ZNF12: variants seen among roughly 807,000 people sequenced by gnomAD.
ZNF12 encodes gonadotropin inducible transcription repressor 3.
ZNF12 carries 34 observed loss-of-function variants against 66.6 expected under a neutral mutation model. That is an observed-to-expected ratio of 0.51 (90% confidence interval 0.39 to 0.68). The LOEUF (loss-of-function observed/expected upper bound fraction) is 0.68, where lower values mean the gene tolerates loss of function less well. Among genes scored for constraint, ZNF12 ranks in the 30% least tolerant of loss-of-function variants. The pLI is 0.00. For synonymous variants in ZNF12, 320 were observed against 278.9 expected (o/e 1.15, Z -1.47); for missense variants, 697 against 826.9 (o/e 0.84, Z 1.93).
At chr7:6,703,938 G>C (rs540986471) in intron 2 of ZNF12, among the ~76,000 whole-genome samples, 2 of 152,202 alleles carry the variant, frequency 1.3e-5, no homozygotes, top group Non-Finnish European at 2.9e-5. Context: ...GTAGGGACAG[G>C]ACCAAGACCA....
In ZNF12 at chr7:6,692,882, CACAA is replaced by C. The variant is rs767685653; in HGVS notation, c.239-183_239-180del. On this transcript the variant is annotated intron_variant, in intron 4 of 4. Coordinates refer to ENST00000405858, the MANE Select transcript of ZNF12 (RefSeq NM_016265.4). The surrounding 1 kb of genome is among the most constrained non-coding windows in gnomAD (Gnocchi z 5.1). ...ATGCTTTTGCTTAAAATTACACACA[CACAA>C]ACACACACACACACACACATCCCCC... Among the ~76,000 whole-genome samples the C allele has an allele frequency of 5.6e-4, 83 of 149,458 alleles. No individual in the cohort carries two copies. Among genetic ancestry groups the C allele is most frequent in the South Asian group, 1.3e-3 (6 of 4,660 alleles).
In ZNF12 at chr7:6,690,742, A is replaced by T; in HGVS notation, c.*106T>A. 1.7e-6 allele frequency: 2 copies of T among 1,194,386 alleles called. No homozygotes were observed. The highest frequency in any genetic ancestry group is 2.3e-6 in the Non-Finnish European group (2 of 873,176). 74.0% of individuals were successfully genotyped at this position (1,194,386 alleles called of 1,614,324 possible). Reference sequence around the variant, plus strand: ...GAGTCCAACACACAAGGGGATGTCCACACTAACCTGTGTGAACTCTCTGAT... The same window carrying T: ...GAGTCCAACACACAAGGGGATGTCCTCACTAACCTGTGTGAACTCTCTGAT... On this transcript the variant is annotated 3_prime_UTR_variant, in exon 5 of 5. Coordinates refer to ENST00000405858, the MANE Select transcript of ZNF12 (RefSeq NM_016265.4).
chr7:6,697,311 G>A lies in ZNF12; in HGVS notation c.238+28C>T, dbSNP rs537811547. 129 of 1,552,708 alleles carry A rather than the reference G, an allele frequency of 8.3e-5. No individual in the cohort carries two copies. The highest frequency in any genetic ancestry group is 1.1e-4 in the Non-Finnish European group (125 of 1,136,936). On this transcript the variant is annotated intron_variant, in intron 4 of 4. Transcript: ENST00000405858. The surrounding 1 kb of genome is among the most constrained non-coding windows in gnomAD (Gnocchi z 6.1). ...CTGGGAAAAACACTCCCAAGTTACC[G>A]ATCTCCTCACTGCCTCCACTAACAC...
At chr7:6,694,851 C>A (rs548268769) in intron 4 of ZNF12, among the ~76,000 whole-genome samples, 31 of 152,268 alleles carry the variant, frequency 2.0e-4, no homozygotes, top group Non-Finnish European at 3.8e-4. Context: ...CATTTTAATA[C>A]AAAGTGACTC....
intron 2 of ZNF12, among the ~76,000 whole-genome samples, chr7:6,701,693 T>C (rs1260385123): frequency 1.3e-5 from 2 of 151,926 alleles, no homozygotes; most frequent in South Asian, 2.1e-4. Context: ...AAGAAGCAAA[T>C]AGGAATGCTA....
In ZNF12 at chr7:6,691,198, A is replaced by G; in HGVS notation, c.1744T>C (p.Cys582Arg). ...SGEKPYECSE[C>R]GKTFCQNSAL... ...GAATTCTGGCAGAAGGTTTTCCCACATTCACTACATTCATAGGGCTTCTCT... is the reference window on the plus strand; with the variant it reads ...GAATTCTGGCAGAAGGTTTTCCCACGTTCACTACATTCATAGGGCTTCTCT... The change falls in exon 5 of 5, where the codon TGT becomes CGT. Residue 582 changes from cysteine (C) to arginine (R), a missense_variant. Around this residue, in one of 3 missense-constraint regions of ZNF12, gnomAD observed 401 missense variants for 519.0 expected, o/e 0.77. Transcript: ENST00000405858. The G allele has an allele frequency of 6.2e-7, 1 of 1,614,106 alleles. No individual in the cohort carries two copies. The highest frequency in any genetic ancestry group is 8.5e-7 in the Non-Finnish European group (1 of 1,179,998).
Position 6,690,737 on chromosome 7 carries a change from T to C in ZNF12, c.*111A>G, listed in dbSNP as rs7780195. The C allele has an allele frequency of 4.2e-3, 4,578 of 1,091,800 alleles. 136 individuals carry two copies. The African/African-American group carries it at 0.065, about 15-fold the overall frequency. The allele number at this position is 1,091,800 out of a possible 1,614,324, so 67.6% of individuals were successfully genotyped here. ...ATTATGAGTCCAACACACAAGGGGA[T>C]GTCCACACTAACCTGTGTGAACTCT... On this transcript the variant is annotated 3_prime_UTR_variant, in exon 5 of 5. Coordinates refer to ENST00000405858, the MANE Select transcript of ZNF12 (RefSeq NM_016265.4).
Position 6,704,740 on chromosome 7 carries a change from C to CAAAAAAAAAAA in ZNF12, c.15+408_15+418dup, listed in dbSNP as rs949897713. ...GGTGACAGAGCGCAATACTTGGTCT[C>CAAAAAAAAAAA]AAAAAAAAAAAAAAAAAAAAAAAAA... On this transcript the variant is annotated intron_variant, in intron 2 of 4. Transcript: ENST00000405858. 1.2e-3 allele frequency among the ~76,000 whole-genome samples: 39 copies of CAAAAAAAAAAA among 32,252 alleles called. 1 individual carries two copies. The highest frequency in any genetic ancestry group is 3.5e-3 in the African/African-American group (35 of 10,004). The allele number at this position is 32,252 out of a possible 152,430, so 21.2% of individuals were successfully genotyped here.
chr7:6,690,312 C>T lies in ZNF12; in HGVS notation c.*536G>A, dbSNP rs1321466397. 1 of 152,272 alleles carries T rather than the reference C, an allele frequency of 6.6e-6. No individual in the cohort carries two copies. The highest frequency in any genetic ancestry group is 2.1e-4 in the South Asian group (1 of 4,832). 9.4% of individuals were successfully genotyped at this position (152,272 alleles called of 1,614,324 possible). ...AATGTACTGTAATAAAAACAACCCTCTCCCCAAACATAAGTCCTATGTTCT... is the reference window on the plus strand; with the variant it reads ...AATGTACTGTAATAAAAACAACCCTTTCCCCAAACATAAGTCCTATGTTCT... On this transcript the variant is annotated 3_prime_UTR_variant, in exon 5 of 5. Coordinates refer to ENST00000405858, the MANE Select transcript of ZNF12 (RefSeq NM_016265.4).
rs961521812 is a variant in ZNF12, at chr7:6,689,958, A to T, written c.*890T>A. 1 of 152,102 alleles carries T rather than the reference A, an allele frequency of 6.6e-6. No individual in the cohort carries two copies. The highest frequency in any genetic ancestry group is 2.1e-4 in the South Asian group (1 of 4,832). 9.4% of individuals were successfully genotyped at this position (152,102 alleles called of 1,614,324 possible). Reference sequence around the variant, plus strand: ...ATATCTTAAAACTGTATAGAGTGCAATGATTTTCTCACTCTTGGAAAACTG... The same window carrying T: ...ATATCTTAAAACTGTATAGAGTGCATTGATTTTCTCACTCTTGGAAAACTG... On this transcript the variant is annotated 3_prime_UTR_variant, in exon 5 of 5. Transcript: ENST00000405858.
At chr7:6,693,680 C>T (rs1350412357) in intron 4 of ZNF12, among the ~76,000 whole-genome samples, 1 of 152,208 alleles carries the variant, frequency 6.6e-6, no homozygotes, top group African/African-American at 2.4e-5. Flanking sequence ...TGTAGGATTG[C>T]AGCAGTTAAT....
intron 4 of ZNF12, among the ~76,000 whole-genome samples, chr7:6,695,230 T>G (rs138264485): frequency 1.1e-4 from 16 of 152,362 alleles, no homozygotes; most frequent in African/African-American, 3.8e-4. Flanking sequence ...TCTCTTTTCC[T>G]AACCACAACC....
Position 6,692,557 on chromosome 7 carries a change from G to A in ZNF12, c.385C>T (p.Pro129Ser). 1 of 1,613,776 alleles carries A rather than the reference G, an allele frequency of 6.2e-7. No homozygotes were observed. The highest frequency in any genetic ancestry group is 8.5e-7 in the Non-Finnish European group (1 of 1,179,802). ...TTTTTATAGGCTATTTTTCTTGAAGGAACAGGGTTCGTTTCTACATCAAAA... is the reference window on the plus strand; with the variant it reads ...TTTTTATAGGCTATTTTTCTTGAAGAAACAGGGTTCGTTTCTACATCAAAA... ...KTFDVETNPV[P>S]SRKIAYKNSL... Residue 129 changes from proline to serine, a missense_variant, in exon 5 of 5, where the codon CCT (proline) becomes TCT (serine). Transcript: ENST00000405858. The surrounding 1 kb of genome is among the most constrained non-coding windows in gnomAD (Gnocchi z 5.1).
At position 6,703,867 on chromosome 7, in the gene ZNF12, A is replaced by C. The variant is rs1457085573; in HGVS notation, c.15+1292T>G. Among the ~76,000 whole-genome samples the C allele has an allele frequency of 2.0e-5, 3 of 152,256 alleles. No individual in the cohort carries two copies. In the East Asian group the frequency reaches 5.8e-4, roughly 29 times the overall value. ...AGAGTGGGCCAAGGCAAAGATGCAA[A>C]TGTCCACTAAGAGCATGTGCTGGAT... On this transcript the variant is annotated intron_variant, in intron 2 of 4. Transcript: ENST00000405858.
chr7:6,700,289 G>GAA (rs71539971), intron 2 of ZNF12, among the ~76,000 whole-genome samples: 34 of 119,558 alleles, frequency 2.8e-4, no homozygotes, highest in East Asian at 4.6e-4. Context: ...CGTCTGAGAG[G>GAA]AAAAAAAAAA....
rs1780053243 is a variant in ZNF12 at position 6,690,745 on chromosome 7, C to A, written c.*103G>T. The A allele has an allele frequency of 2.4e-6, 3 of 1,226,446 alleles. No individual in the cohort carries two copies. The highest frequency in any genetic ancestry group is 1.6e-5 in the South Asian group (1 of 61,776). The allele number at this position is 1,226,446 out of a possible 1,614,324, so 76.0% of individuals were successfully genotyped here. ...TCCAACACACAAGGGGATGTCCACA[C>A]TAACCTGTGTGAACTCTCTGATGTA... On this transcript the variant is annotated 3_prime_UTR_variant, in exon 5 of 5. Transcript: ENST00000405858.
chr7:6,704,390 G>A (rs1376255960), intron 2 of ZNF12: 1 of 151,392 alleles, frequency 6.6e-6, no homozygotes, highest in African/African-American at 2.4e-5. Context: ...AACGGATAGA[G>A]CAGTAAAAAG....
rs899058418 is a variant in ZNF12, at chr7:6,706,863, G to T, written c.-482C>A. On this transcript the variant is annotated 5_prime_UTR_variant, in exon 1 of 5. Coordinates refer to ENST00000405858, the MANE Select transcript of ZNF12 (RefSeq NM_016265.4). ...GGCTCTTCGGCGCCCAGCCCCGCAG[G>T]CTCCGCGATTCTCGCCCACCGGAGG... 9.1e-5 allele frequency: 36 copies of T among 395,692 alleles called. No homozygotes were observed. The highest frequency in any genetic ancestry group is 7.7e-4 in the African/African-American group (35 of 45,306). 24.5% of individuals were successfully genotyped at this position (395,692 alleles called of 1,614,324 possible).
chr7:6,697,991 T>A lies in ZNF12; in HGVS notation c.16-180A>T, dbSNP rs1780178524. On this transcript the variant is annotated intron_variant, in intron 2 of 4. Coordinates refer to ENST00000405858, the MANE Select transcript of ZNF12 (RefSeq NM_016265.4). This position sits in a 1 kb window ranked among gnomAD's most constrained non-coding sequence, Gnocchi z 6.1. ...TGTTCTGGGGTTCATTCAGTATACA[T>A]CAAACAAAAAACAAAAAACAAAAAA... The A allele has an allele frequency of 1.2e-6, 1 of 868,072 alleles. No individual in the cohort carries two copies. The highest frequency in any genetic ancestry group is 2.5e-5 in the East Asian group (1 of 40,482). 53.8% of individuals were successfully genotyped at this position (868,072 alleles called of 1,614,324 possible).
Sources: gnomAD v4.1 joint callset for allele counts (sites outside exome capture counted in the v4.1 genomes callset) on GRCh38, gnomAD v4.1.1 for gene constraint, gnomAD v4.1.1 regional missense constraint, Gnocchi (gnomAD v3.1) non-coding constraint, MANE v1.5 for transcripts, NCBI Gene and HGNC (gene_info 2026-07-23, HGNC 2026-07-21) for gene names.